Variants in PPP2R2B observed in about 807,000 individuals in gnomAD.
The protein encoded by PPP2R2B is protein phosphatase 2 regulatory subunit Bbeta.
PPP2R2B carries 5 observed loss-of-function variants against 46.0 expected under a neutral mutation model. The ratio of observed to expected loss-of-function variants is 0.11; its 90% confidence interval spans 0.06 to 0.23. The LOEUF (loss-of-function observed/expected upper bound fraction) is 0.23, where lower values mean the gene tolerates loss of function less well. Among genes scored for constraint, PPP2R2B ranks in the 10% least tolerant of loss-of-function variants. The probability of loss-of-function intolerance (pLI) is 1.00; values close to 1 mark genes in which losing one functional copy is unlikely to be tolerated. For missense variants in PPP2R2B, 367 were observed against 575.0 expected (o/e 0.64, Z 3.70); for synonymous variants, 215 against 206.7 (o/e 1.04, Z -0.34).
intron 1 of PPP2R2B, among the ~76,000 whole-genome samples, chr5:146,888,807 G>A (rs1018520608): frequency 6.6e-6 from 1 of 152,136 alleles, no homozygotes; most frequent in African/African-American, 2.4e-5. Context: ...TGCATCTTAT[G>A]TTCCCTCTCT....
chr5:147,046,765 A>G (rs1347376505), intron 1 of PPP2R2B, among the ~76,000 whole-genome samples: 2 of 151,914 alleles, frequency 1.3e-5, no homozygotes, highest in African/African-American at 4.9e-5. Flanking sequence ...AAATGTGGAT[A>G]ATACCATGCA....
In PPP2R2B at chr5:146,878,082, C is replaced by G. The variant is rs755366804; in HGVS notation, c.-11G>C. The stretch of plus-strand genomic sequence containing the variant: ...AATGTCCTCCTCCATTGACAGCAGG[C>G]TTACTTGCGTGGGAACCAGAAGCCG... On this transcript the variant is annotated 5_prime_UTR_variant, in exon 2 of 10. Transcript: ENST00000394411. This position sits in a 1 kb window ranked among gnomAD's most constrained non-coding sequence, Gnocchi z 4.5. 6.2e-7 allele frequency: 1 copy of G among 1,614,212 alleles called. No individual in the cohort carries two copies. The highest frequency in any genetic ancestry group is 8.5e-7 in the Non-Finnish European group (1 of 1,180,040).
intron 2 of PPP2R2B, among the ~76,000 whole-genome samples, chr5:146,738,497 T>C (rs1752677652): frequency 2.0e-5 from 3 of 152,006 alleles, no homozygotes; most frequent in Non-Finnish European, 2.9e-5. Flanking sequence ...CTAAATTACA[T>C]ACTAGCAAGA....
At chr5:146,941,991 A>G (rs2151829702) in intron 1 of PPP2R2B, among the ~76,000 whole-genome samples, 1 of 152,250 alleles carries the variant, frequency 6.6e-6, no homozygotes, top group South Asian at 2.1e-4. Context: ...TTTGGCTTGT[A>G]GATGCCTCAC....
intron 7 of PPP2R2B, among the ~76,000 whole-genome samples, chr5:146,602,469 T>C (rs1055800360): frequency 4.6e-5 from 7 of 152,204 alleles, no homozygotes; most frequent in Non-Finnish European, 8.8e-5. Context: ...CCTACAAAGA[T>C]GGCAATTGTG....
At chr5:146,640,750 A>T (rs1321911224) in intron 6 of PPP2R2B, among the ~76,000 whole-genome samples, 1 of 152,202 alleles carries the variant, frequency 6.6e-6, no homozygotes, top group Non-Finnish European at 1.5e-5. Context: ...CCTAAAAATA[A>T]AGCCCCAAAG....
intron 5 of PPP2R2B, among the ~76,000 whole-genome samples, chr5:146,689,743 G>A (rs1778726479): frequency 6.6e-6 from 1 of 152,150 alleles, no homozygotes; most frequent in African/African-American, 2.4e-5. Flanking sequence ...CAAAACCCCT[G>A]CACATTCAGA....
At chr5:147,025,044 G>A (rs1755462936) in intron 1 of PPP2R2B, among the ~76,000 whole-genome samples, 1 of 151,816 alleles carries the variant, frequency 6.6e-6, no homozygotes, top group Admixed American at 6.6e-5. Context: ...TTGGACTAAT[G>A]AAGGAAAAAG....
At chr5:146,893,784 G>C (rs1197931882) in intron 1 of PPP2R2B, among the ~76,000 whole-genome samples, 1 of 150,896 alleles carries the variant, frequency 6.6e-6, no homozygotes, top group East Asian at 1.9e-4. Flanking sequence ...AAACTTAGAA[G>C]ACAGGTTGAT....
chr5:146,859,487 T>C (rs1350937460), intron 2 of PPP2R2B, among the ~76,000 whole-genome samples: 1 of 152,202 alleles, frequency 6.6e-6, no homozygotes, highest in Non-Finnish European at 1.5e-5. Context: ...GTTGTTTTGA[T>C]GGTTAAGAGG....
At chr5:146,707,164 T>G in intron 2 of PPP2R2B, 1 of 1,594,922 alleles carries the variant, frequency 6.3e-7, no homozygotes, top group Admixed American at 1.7e-5. Flanking sequence ...AGTCTCCAGC[T>G]GCCGCCTAAG....
At chr5:146,693,909 A>G (rs1402535358) in intron 4 of PPP2R2B, among the ~76,000 whole-genome samples, 2 of 152,202 alleles carry the variant, frequency 1.3e-5, no homozygotes, top group Non-Finnish European at 2.9e-5. Flanking sequence ...TCTTATCTGT[A>G]ACACTGTCAG....
intron 2 of PPP2R2B, among the ~76,000 whole-genome samples, chr5:146,840,860 TAAAAG>T (rs1318658449): frequency 1.3e-5 from 2 of 152,150 alleles, no homozygotes; most frequent in African/African-American, 4.8e-5. Flanking sequence ...ATTAGACTAA[TAAAAG>T]AAACAAACAC....
intron 5 of PPP2R2B, among the ~76,000 whole-genome samples, chr5:146,663,936 G>T (rs979686943): frequency 9.9e-5 from 15 of 152,048 alleles, no homozygotes; most frequent in African/African-American, 1.4e-4. Flanking sequence ...TCTGCCTCCC[G>T]GGTTTAAGCA....
intron 1 of PPP2R2B, among the ~76,000 whole-genome samples, chr5:147,001,727 G>A (rs1194773915): frequency 6.6e-6 from 1 of 152,084 alleles, no homozygotes; most frequent in Admixed American, 6.6e-5. Flanking sequence ...TAGAATCTGG[G>A]GGCTAAATAA....
At chr5:146,664,118 G>T (rs1203914127) in intron 5 of PPP2R2B, among the ~76,000 whole-genome samples, 1 of 152,008 alleles carries the variant, frequency 6.6e-6, no homozygotes, top group Admixed American at 6.6e-5. Flanking sequence ...GGGATTACAG[G>T]CATGAGCCAC....
At chr5:146,796,178 C>T (rs1386992327) in intron 2 of PPP2R2B, among the ~76,000 whole-genome samples, 1 of 152,080 alleles carries the variant, frequency 6.6e-6, no homozygotes, top group Non-Finnish European at 1.5e-5. Context: ...TTTTAAAATG[C>T]AGAAGCATCT....
intron 1 of PPP2R2B, among the ~76,000 whole-genome samples, chr5:146,956,274 T>C (rs1158709215): frequency 6.6e-6 from 1 of 152,172 alleles, no homozygotes; most frequent in Non-Finnish European, 1.5e-5. Flanking sequence ...TTTGCACAAT[T>C]TATTCTCCTA....
chr5:147,014,400 G>T (rs1754894061), intron 1 of PPP2R2B, among the ~76,000 whole-genome samples: 1 of 150,190 alleles, frequency 6.7e-6, no homozygotes, highest in Admixed American at 6.7e-5. Flanking sequence ...ATACCCAAAT[G>T]ACTATAAATC....
Sources: allele counts gnomAD v4.1 joint callset (sites outside exome capture counted in the v4.1 genomes callset), GRCh38; gene constraint gnomAD v4.1.1; non-coding constraint Gnocchi (gnomAD v3.1); transcripts MANE v1.5; gene names NCBI Gene and HGNC (gene_info 2026-07-23, HGNC 2026-07-21).